PBK: variants seen among roughly 807,000 people sequenced by gnomAD.
The protein encoded by PBK is lymphokine-activated killer T-cell-originated protein kinase.
PBK carries 22 observed loss-of-function variants against 33.5 expected under a neutral mutation model. The observed-to-expected ratio is 0.66, with a 90% CI of 0.47 to 0.94. The LOEUF is 0.94. Ranked by LOEUF, PBK falls within the 40% of genes least tolerant of loss-of-function variation. PBK has a pLI of 0.00. For missense variants in PBK, 376 were observed against 383.4 expected (o/e 0.98, Z 0.16); for synonymous variants, 129 against 123.8 (o/e 1.04, Z -0.28).
chr8:27,820,752 T>TGATA, intron 5 of PBK, 58 bp from the exon 6 acceptor site: 1 of 927,136 alleles, frequency 1.1e-6, no homozygotes. Flanking sequence ...TAAAAAAATG[T>TGATA]GATAACCTCC....
Position 27,823,696 on chromosome 8 carries a change from T to C in PBK, c.153-491A>G, listed in dbSNP as rs188281905. ...CCCCTACACTGACCAATTCACCTTA[T>C]ACCTTTTACCACATGCTCAAAGATA... On this transcript the variant is annotated intron_variant, in intron 3 of 7. Transcript: ENST00000301905. Among the ~76,000 whole-genome samples the C allele has an allele frequency of 2.6e-5, 4 of 152,188 alleles. No individual in the cohort carries two copies. The East Asian group carries it at 5.8e-4, about 22-fold the overall frequency.
intron 6 of PBK, among the ~76,000 whole-genome samples, chr8:27,814,393 G>A (rs893596334): frequency 3.3e-5 from 5 of 151,910 alleles, no homozygotes; most frequent in Non-Finnish European, 7.4e-5. Flanking sequence ...TCTCATTCCT[G>A]TTGTTGGTGA....
At position 27,823,179 on chromosome 8, in the gene PBK, G is replaced by T; in HGVS notation, c.179C>A (p.Pro60His). The T allele has an allele frequency of 6.4e-7, 1 of 1,550,686 alleles. No homozygotes were observed. The highest frequency in any genetic ancestry group is 8.8e-7 in the Non-Finnish European group (1 of 1,130,100). The change falls in exon 4 of 8, where the codon CCT (proline) becomes CAT (histidine). Residue 60 changes from proline (P) to histidine (H), a missense_variant. Coordinates refer to ENST00000301905, the MANE Select transcript of PBK (RefSeq NM_018492.4). The part of the protein sequence containing the change: ...KRSPRGLSHS[P>H]WAVKKINPIC... ...AGGATTAATCTTTTTTACAGCCCAA[G>T]GAGAATGAGACAAACCTCTTGGAGA...
intron 6 of PBK, among the ~76,000 whole-genome samples, chr8:27,815,724 C>G (rs1805797938): frequency 6.6e-6 from 1 of 152,168 alleles, no homozygotes; most frequent in Admixed American, 6.5e-5. Flanking sequence ...CAATTTGAGA[C>G]TCGAACCACA....
At chr8:27,820,459 A>C in intron 6 of PBK, 106 bp downstream of exon 6, 1 of 729,996 alleles carries the variant, frequency 1.4e-6, no homozygotes, top group East Asian at 2.6e-5. Context: ...TTTACCATAT[A>C]CTTTTTAAAA....
In PBK at chr8:27,810,376, A is replaced by G. The variant is rs753308198; in HGVS notation, c.898T>C (p.Cys300Arg). 1.1e-5 allele frequency: 18 copies of G among 1,611,372 alleles called. No individual in the cohort carries two copies. Among genetic ancestry groups the G allele is most frequent in the African/African-American group, 1.3e-5 (1 of 74,882 alleles). The change falls in exon 8 of 8, where the codon TGC (cysteine) becomes CGC (arginine). Residue 300 changes from cysteine (C) to arginine (R), a missense_variant. Transcript: ENST00000301905. Reference protein sequence around the residue: ...YQKVIELFSVCTNEDPKDRPS... With the variant: ...YQKVIELFSVRTNEDPKDRPS... ...CGATCTTTAGGGTCTTCATTAGTGC[A>G]TACAGAGAAGAGTTCAATTACTTTC...
At chr8:27,835,920 CAT>C (rs1806219038) in intron 1 of PBK, among the ~76,000 whole-genome samples, 2 of 494 alleles carry the variant, frequency 4.0e-3, no homozygotes, top group Non-Finnish European at 9.6e-3. Flanking sequence ...ACACTGAGCA[CAT>C]ACAATGTGCT....
At chr8:27,816,372 TA>T (rs1805813845) in intron 6 of PBK, among the ~76,000 whole-genome samples, 1 of 110,246 alleles carries the variant, frequency 9.1e-6, no homozygotes, top group African/African-American at 3.4e-5. Context: ...TTTATTTATT[TA>T]TTTATTTTAA....
chr8:27,826,075 G>T (rs995330663), intron 3 of PBK, among the ~76,000 whole-genome samples: 1 of 152,170 alleles, frequency 6.6e-6, no homozygotes, highest in Non-Finnish European at 1.5e-5. Context: ...ATCCAGGACA[G>T]TGGGGGGGAC....
intron 6 of PBK, among the ~76,000 whole-genome samples, chr8:27,815,838 C>G (rs931366398): frequency 2.0e-5 from 3 of 152,134 alleles, no homozygotes; most frequent in Non-Finnish European, 2.9e-5. Context: ...GGATTGGGCC[C>G]CCTGCCACCT....
Position 27,810,275 on chromosome 8 carries a change from A to C in PBK, c.*30T>G. 1 of 1,468,646 alleles carries C rather than the reference A, an allele frequency of 6.8e-7. No homozygotes were observed. Among genetic ancestry groups the C allele is most frequent in the Non-Finnish European group, 9.5e-7 (1 of 1,053,530 alleles). 91.0% of individuals were successfully genotyped at this position (1,468,646 alleles called of 1,614,324 possible). A position where few individuals can be genotyped will look rare whatever the true frequency, so the allele number is the denominator to read the frequency against. On this transcript the variant is annotated 3_prime_UTR_variant, in exon 8 of 8. Coordinates refer to ENST00000301905, the MANE Select transcript of PBK (RefSeq NM_018492.4). ...AATATTTTGGAATAAACAGTTATTT[A>C]CGCAAGCCACACTTCAGCTGAGATG...
In PBK at chr8:27,828,025, TTTCAGACTAC is replaced by T. The variant is rs879018805; in HGVS notation, c.152+70_152+79del. 3.9e-4 allele frequency: 285 copies of T among 728,482 alleles called. 3 individuals are homozygous for T. The South Asian group carries it at 4.4e-3, about 11-fold the overall frequency. The allele number at this position is 728,482 out of a possible 1,614,324, so 45.1% of individuals were successfully genotyped here. On this transcript the variant is annotated intron_variant, in intron 3 of 7. Coordinates refer to ENST00000301905, the MANE Select transcript of PBK (RefSeq NM_018492.4). The stretch of plus-strand genomic sequence containing the variant: ...GACAACCGAATCTAAATACTGGAAT[TTTCAGACTAC>T]TTCTTTGTCTCCAAGTACAGTAGAA...
intron 1 of PBK, among the ~76,000 whole-genome samples, chr8:27,836,931 A>G (rs571672819): frequency 6.6e-6 from 1 of 152,288 alleles, no homozygotes; most frequent in South Asian, 2.1e-4. Context: ...TTAGGCATTA[A>G]CTGCTGACAG....
At chr8:27,815,520 A>G (rs1004821828) in intron 6 of PBK, among the ~76,000 whole-genome samples, 9 of 152,212 alleles carry the variant, frequency 5.9e-5, no homozygotes, top group Non-Finnish European at 1.3e-4. Flanking sequence ...CATGGAATTC[A>G]TGACAAGAGA....
At chr8:27,836,334 G>C (rs1403349821) in intron 1 of PBK, among the ~76,000 whole-genome samples, 1 of 152,048 alleles carries the variant, frequency 6.6e-6, no homozygotes, top group Non-Finnish European at 1.5e-5. Context: ...TGTAGCCACA[G>C]GACTGTGACT....
rs546306026 is a variant in PBK at position 27,833,828 on chromosome 8, A to T, written c.-20-695T>A. Among the ~76,000 whole-genome samples, 19 of 152,312 alleles carry T rather than the reference A, an allele frequency of 1.2e-4. 1 individual carries two copies. The East Asian group carries it at 3.5e-3, about 28-fold the overall frequency. ...TTAAGGAAACTGTTCAAGCAGCATT[A>T]TTCATAACAGCCAAAAGGCAGAAAC... On this transcript the variant is annotated intron_variant, in intron 1 of 7. Transcript: ENST00000301905.
intron 6 of PBK, among the ~76,000 whole-genome samples, chr8:27,813,856 T>C (rs1041153745): frequency 1.3e-5 from 2 of 152,212 alleles, no homozygotes; most frequent in Non-Finnish European, 2.9e-5. Context: ...TTGGCTAATA[T>C]TTTGTTAAGG....
intron 5 of PBK, among the ~76,000 whole-genome samples, chr8:27,821,387 C>T (rs113282258): frequency 0.019 from 2,926 of 152,164 alleles, 103 homozygotes; most frequent in African/African-American, 0.067. Context: ...CTCAGCCTCC[C>T]GAGTAGCTGG....
At chr8:27,817,392 A>G (rs943082427) in intron 6 of PBK, among the ~76,000 whole-genome samples, 18 of 152,120 alleles carry the variant, frequency 1.2e-4, no homozygotes, top group African/African-American at 4.3e-4. Flanking sequence ...CTTCTGGTAG[A>G]ACCTTTCAGA....
Sources: gnomAD v4.1 joint callset for allele counts (sites outside exome capture counted in the v4.1 genomes callset) on GRCh38, gnomAD v4.1.1 for gene constraint, MANE v1.5 for transcripts, NCBI Gene and HGNC (gene_info 2026-07-23, HGNC 2026-07-21) for gene names.